Variants in SHROOM2 observed in about 807,000 individuals in gnomAD.
The protein encoded by SHROOM2 is shroom family member 2.
Under a neutral mutation model 75.9 loss-of-function variants are expected in SHROOM2, and 33 were observed. That is an observed-to-expected ratio of 0.43 (90% CI 0.33 to 0.58). The LOEUF is 0.58. SHROOM2 is among the 20% of genes least tolerant of loss of function. The probability of loss-of-function intolerance (pLI) is 0.04; values close to 1 mark genes in which losing one functional copy is unlikely to be tolerated. For synonymous variants in SHROOM2, 655 were observed against 663.6 expected, an observed-to-expected ratio of 0.99 and a Z score of 0.20; for missense variants, 1,434 against 1,461.2, an observed-to-expected ratio of 0.98 and a Z score of 0.30.
intron 1 of SHROOM2, among the ~76,000 whole-genome samples, chrX:9,864,691 G>A (rs1335610180): frequency 9.2e-6 from 1 of 108,333 alleles, no homozygotes; most frequent in Non-Finnish European, 1.9e-5. Context: ...CGGGCGTAGT[G>A]GCGGGCGCCT....
chrX:9,913,365 A>C (rs754612198), intron 5 of SHROOM2: 1 of 112,621 alleles, frequency 8.9e-6, no homozygotes, highest in South Asian at 3.6e-4. Flanking sequence ...AAATGGAATC[A>C]CCATGGTTCT....
chrX:9,821,216 C>T (rs1441962879), intron 1 of SHROOM2, among the ~76,000 whole-genome samples: 1 of 112,165 alleles, frequency 8.9e-6, no homozygotes, highest in African/African-American at 3.2e-5. Flanking sequence ...GGCCTGTCTG[C>T]CATTTGTATT....
chrX:9,789,752 A>G (rs1016185321), intron 1 of SHROOM2, among the ~76,000 whole-genome samples: 2 of 111,399 alleles, frequency 1.8e-5, no homozygotes, highest in African/African-American at 6.5e-5. Flanking sequence ...GAGGGAAGGA[A>G]TGAAGCCCCA....
intron 1 of SHROOM2, among the ~76,000 whole-genome samples, chrX:9,809,261 G>C (rs758146703): frequency 1.8e-5 from 2 of 111,569 alleles, no homozygotes; most frequent in South Asian, 7.7e-4. Context: ...GGAGTCTGAT[G>C]TTTGAGGCCA....
intron 5 of SHROOM2, among the ~76,000 whole-genome samples, chrX:9,928,332 A>G (rs953728716): frequency 1.8e-5 from 2 of 112,474 alleles, no homozygotes; most frequent in Admixed American, 1.9e-4. Context: ...AAGGCTGAAT[A>G]TCAATTGGAT....
chrX:9,851,391 G>A (rs2084038609), intron 1 of SHROOM2, among the ~76,000 whole-genome samples: 1 of 108,841 alleles, frequency 9.2e-6, no homozygotes, highest in African/African-American at 3.3e-5. Context: ...TTCCCCACGT[G>A]GCAACAGTAC....
intron 6 of SHROOM2, among the ~76,000 whole-genome samples, chrX:9,936,717 C>T (rs2084711536): frequency 8.9e-6 from 1 of 112,092 alleles, no homozygotes. Context: ...AACCTAAGGA[C>T]GGATGGGAAT....
intron 1 of SHROOM2, among the ~76,000 whole-genome samples, chrX:9,854,083 G>A (rs1464532827): frequency 8.9e-6 from 1 of 112,630 alleles, no homozygotes; most frequent in African/African-American, 3.2e-5. Context: ...ACAAAGGACA[G>A]TTTCACTTTT....
chrX:9,861,095 G>A (rs1332979970), intron 1 of SHROOM2, among the ~76,000 whole-genome samples: 3 of 112,252 alleles, frequency 2.7e-5, no homozygotes, highest in Non-Finnish European at 5.6e-5. Flanking sequence ...ACAACAATGC[G>A]ATTATAGTTA....
At chrX:9,925,459 A>G (rs144317829) in intron 5 of SHROOM2, among the ~76,000 whole-genome samples, 1,219 of 112,548 alleles carry the variant, frequency 0.011, 15 homozygotes, top group African/African-American at 0.038. Context: ...CCCACAACCA[A>G]TGGAGGAGTG....
intron 5 of SHROOM2, among the ~76,000 whole-genome samples, chrX:9,921,044 C>T (rs2084539892): frequency 9.0e-6 from 1 of 111,717 alleles, no homozygotes; most frequent in South Asian, 3.7e-4. Context: ...GCCAGGACAG[C>T]CGTCTTCCAA....
chrX:9,905,910 G>A (rs1601981440), intron 5 of SHROOM2, among the ~76,000 whole-genome samples: 1 of 111,696 alleles, frequency 9.0e-6, no homozygotes, highest in Admixed American at 9.5e-5. Context: ...CCTGTTAGTC[G>A]AAACAAAAGT....
chrX:9,919,750 C>T (rs1165850674), intron 5 of SHROOM2, among the ~76,000 whole-genome samples: 2 of 111,777 alleles, frequency 1.8e-5, no homozygotes, highest in African/African-American at 6.5e-5. Flanking sequence ...GGCATCTCAA[C>T]TCACTGCAAC....
rs752141849 is a variant in SHROOM2, at chrX:9,944,612, G to A, written c.4312-29G>A. On this transcript the variant is annotated intron_variant, in intron 8 of 9. Transcript: ENST00000380913. ...GGGGGCCGGCCTAACCAGTGTCTCC[G>A]TGTTCCCTTGCCATCCCGTGCCCAA... 9.3e-6 allele frequency: 11 copies of A among 1,187,673 alleles called. 1 individual carries two copies. The South Asian group carries it at 1.3e-4, about 14-fold the overall frequency.
intron 1 of SHROOM2, among the ~76,000 whole-genome samples, chrX:9,841,105 G>A (rs1382711938): frequency 3.6e-5 from 4 of 111,403 alleles, no homozygotes; most frequent in African/African-American, 6.5e-5. Flanking sequence ...ACAGGCATCC[G>A]TCACCACGCC....
chrX:9,898,069 A>G (rs944635198), intron 4 of SHROOM2, 121 bp from the exon 5 acceptor site: 2 of 571,166 alleles, frequency 3.5e-6, no homozygotes, highest in African/African-American at 4.5e-5. Context: ...AGTCATCTCA[A>G]TGAAATGCTT....
At chrX:9,793,788 A>C (rs2083680561) in intron 1 of SHROOM2, among the ~76,000 whole-genome samples, 2 of 107,989 alleles carry the variant, frequency 1.9e-5, no homozygotes, top group African/African-American at 6.8e-5. Context: ...TCTCTTGCTC[A>C]AGCTGGAGTG....
chrX:9,907,625 G>T (rs1292711172), intron 5 of SHROOM2, among the ~76,000 whole-genome samples: 1 of 111,445 alleles, frequency 9.0e-6, no homozygotes, highest in Non-Finnish European at 1.9e-5. Flanking sequence ...TCTCTACTTG[G>T]AAGAATATGA....
intron 1 of SHROOM2, among the ~76,000 whole-genome samples, chrX:9,806,487 T>C (rs936302290): frequency 9.4e-6 from 1 of 106,421 alleles, no homozygotes; most frequent in African/African-American, 3.6e-5. Context: ...TATGTATATA[T>C]ATGTGTATAT....
Sources: allele counts gnomAD v4.1 joint callset (sites outside exome capture counted in the v4.1 genomes callset), GRCh38; gene constraint gnomAD v4.1.1; transcripts MANE v1.5; gene names NCBI Gene and HGNC (gene_info 2026-07-23, HGNC 2026-07-21).